The following SERPINI1 variants were observed in gnomAD, a reference collection of about 807,000 sequenced individuals.
SERPINI1 encodes the protein serpin family I member 1, also known as neuroserpin.
A neutral mutation model predicts 41.1 loss-of-function variants in SERPINI1; 19 were observed. The observed-to-expected ratio is 0.46, with a 90% CI of 0.32 to 0.68. The LOEUF is 0.68. Among genes scored for constraint, SERPINI1 ranks in the 30% least tolerant of loss-of-function variants. SERPINI1 has a pLI of 0.03. For missense variants in SERPINI1, 460 were observed against 479.2 expected (o/e 0.96, Z 0.37); for synonymous variants, 138 against 156.6 (o/e 0.88, Z 0.89).
chr3:167,793,601 T>TTTTTA (rs10651340), intron 4 of SERPINI1, among the ~76,000 whole-genome samples: 2 of 148,520 alleles, frequency 1.3e-5, no homozygotes, highest in African/African-American at 5.0e-5. Context: ...TATATATTTT[T>TTTTTA]AATTAGCTAG....
intron 3 of SERPINI1, among the ~76,000 whole-genome samples, 154 bp downstream of exon 3, chr3:167,790,756 T>G (rs926609415): frequency 2.6e-5 from 4 of 152,214 alleles, no homozygotes; most frequent in African/African-American, 9.6e-5. Flanking sequence ...ATGGCCTATT[T>G]GAGAAACATT....
intron 1 of SERPINI1, among the ~76,000 whole-genome samples, chr3:167,737,355 G>A (rs1198596994): frequency 6.6e-6 from 1 of 151,978 alleles, no homozygotes; most frequent in Non-Finnish European, 1.5e-5. Flanking sequence ...GAGCTTAGAA[G>A]AAAGAAAAAG....
At chr3:167,777,843 G>T (rs9842592) in intron 1 of SERPINI1, among the ~76,000 whole-genome samples, 1 of 152,038 alleles carries the variant, frequency 6.6e-6, no homozygotes, top group African/African-American at 2.4e-5. Flanking sequence ...ATGTTAAGAG[G>T]TAGGGCTTTG....
At chr3:167,822,200 C>T (rs555975827) in intron 6 of SERPINI1, among the ~76,000 whole-genome samples, 4 of 152,286 alleles carry the variant, frequency 2.6e-5, no homozygotes, top group South Asian at 2.1e-4. Context: ...CTTATAAGAA[C>T]GCTAGTCATA....
chr3:167,779,323 C>A (rs750879402), intron 1 of SERPINI1, among the ~76,000 whole-genome samples: 15 of 152,124 alleles, frequency 9.9e-5, no homozygotes, highest in Non-Finnish European at 2.1e-4. Flanking sequence ...AATGAGATAA[C>A]CAGTAAGCTA....
chr3:167,797,957 C>A (rs1180702588), intron 5 of SERPINI1, among the ~76,000 whole-genome samples: 3 of 151,972 alleles, frequency 2.0e-5, no homozygotes, highest in Non-Finnish European at 2.9e-5. Flanking sequence ...ATGAAGAATT[C>A]TTTTTGATAA....
intron 1 of SERPINI1, among the ~76,000 whole-genome samples, chr3:167,758,382 T>C (rs1726257747): frequency 3.3e-5 from 5 of 152,154 alleles, no homozygotes; most frequent in African/African-American, 1.2e-4. Flanking sequence ...TAAATACCTA[T>C]GAGTCTCTAC....
At chr3:167,764,992 A>G (rs1373400042) in intron 1 of SERPINI1, among the ~76,000 whole-genome samples, 1 of 152,144 alleles carries the variant, frequency 6.6e-6, no homozygotes, top group Non-Finnish European at 1.5e-5. Flanking sequence ...GGGCAGCTCC[A>G]CCCCTGTGAC....
At chr3:167,759,727 A>G (rs960583603) in intron 1 of SERPINI1, among the ~76,000 whole-genome samples, 1 of 152,156 alleles carries the variant, frequency 6.6e-6, no homozygotes, top group African/African-American at 2.4e-5. Context: ...TCAGCATCAC[A>G]CAATATGTCC....
intron 1 of SERPINI1, among the ~76,000 whole-genome samples, chr3:167,770,084 C>T (rs1433265987): frequency 5.4e-5 from 8 of 148,914 alleles, no homozygotes; most frequent in Admixed American, 5.4e-4. Flanking sequence ...TTCTCTGATG[C>T]AACCTTATAT....
chr3:167,816,249 A>G (rs976237560), intron 6 of SERPINI1, among the ~76,000 whole-genome samples: 1 of 151,894 alleles, frequency 6.6e-6, no homozygotes, highest in Non-Finnish European at 1.5e-5. Flanking sequence ...CCAAGCTGGT[A>G]TCCGACTCCT....
intron 6 of SERPINI1, among the ~76,000 whole-genome samples, chr3:167,817,781 A>G (rs1391473681): frequency 6.6e-6 from 1 of 151,014 alleles, no homozygotes; most frequent in Non-Finnish European, 1.5e-5. Context: ...TTGTATTTTT[A>G]GTAGAGACGG....
At chr3:167,810,677 G>A (rs1477927349) in intron 6 of SERPINI1, among the ~76,000 whole-genome samples, 3 of 152,112 alleles carry the variant, frequency 2.0e-5, no homozygotes, top group Non-Finnish European at 2.9e-5. Context: ...GCTGAAGGAT[G>A]GAGTGGCTGT....
At chr3:167,777,226 C>T (rs778878215) in intron 1 of SERPINI1, among the ~76,000 whole-genome samples, 3 of 152,200 alleles carry the variant, frequency 2.0e-5, no homozygotes, top group Non-Finnish European at 4.4e-5. Context: ...CACGTTCTCT[C>T]TCTACTACTA....
intron 1 of SERPINI1, among the ~76,000 whole-genome samples, chr3:167,787,766 G>A (rs35056746): frequency 0.13 from 19,190 of 152,184 alleles, 1,454 homozygotes; most frequent in African/African-American, 0.21. Context: ...TGAGGGCAGA[G>A]GACGTTGGAA....
chr3:167,823,889 A>T (rs1712427356), intron 7 of SERPINI1, among the ~76,000 whole-genome samples: 1 of 152,180 alleles, frequency 6.6e-6, no homozygotes, highest in Non-Finnish European at 1.5e-5. Flanking sequence ...AGTATATATC[A>T]TCTTATAATG....
intron 1 of SERPINI1, among the ~76,000 whole-genome samples, chr3:167,739,812 A>C (rs761353751): frequency 1.6e-4 from 24 of 152,242 alleles, no homozygotes; most frequent in Non-Finnish European, 2.9e-4. Context: ...ACCTAGAAAC[A>C]AATTAATCTG....
rs555911267 is a variant in SERPINI1 at position 167,769,361 on chromosome 3, CATAAA to C, written c.-18-19742_-18-19738del. Among the ~76,000 whole-genome samples, 9 of 152,216 alleles carry C rather than the reference CATAAA, an allele frequency of 5.9e-5. No individual in the cohort carries two copies. In the South Asian group the frequency reaches 1.9e-3, roughly 32 times the overall value. ...AACATGCATGTATTTTAAGATCATA[CATAAA>C]ATAAAATTAAACATTCTAGGGTAGG... On this transcript the variant is annotated intron_variant, in intron 1 of 8. Transcript: ENST00000446050.
At position 167,812,601 on chromosome 3, in the gene SERPINI1, C is replaced by T. The variant is rs376966550; in HGVS notation, c.979+5260C>T. ...TATTGTTATTTATGTGTCTAATATT[C>T]CCTGCCAGAATTTAAACCCTCCAAG... On this transcript the variant is annotated intron_variant, in intron 6 of 8. Transcript: ENST00000446050. 2.5e-4 allele frequency among the ~76,000 whole-genome samples: 38 copies of T among 152,252 alleles called. No homozygotes were observed. In the East Asian group the frequency reaches 4.6e-3, roughly 19 times the overall value.
Sources: gnomAD v4.1 joint callset for allele counts (sites outside exome capture counted in the v4.1 genomes callset) on GRCh38, gnomAD v4.1.1 for gene constraint, MANE v1.5 for transcripts, NCBI Gene and HGNC (gene_info 2026-07-23, HGNC 2026-07-21) for gene names.